TRAPPC9: variants seen among roughly 807,000 people sequenced by gnomAD.
TRAPPC9 encodes IKK2 binding protein.
Under a neutral mutation model 124.0 loss-of-function variants are expected in TRAPPC9, and 83 were observed. The observed-to-expected ratio is 0.67, with a 90% CI of 0.56 to 0.80. The LOEUF is 0.80. Among genes scored for constraint, TRAPPC9 ranks in the 30% least tolerant of loss-of-function variants. The pLI is 0.00. For synonymous variants in TRAPPC9, 638 were observed against 617.5 expected (o/e 1.03, Z -0.49); for missense variants, 1,302 against 1,508.3 (o/e 0.86, Z 2.27).
chr8:140,172,176 C>A (rs933040024), intron 17 of TRAPPC9, among the ~76,000 whole-genome samples: 15 of 152,130 alleles, frequency 9.9e-5, no homozygotes, highest in African/African-American at 3.4e-4. Context: ...TGCACTGGAC[C>A]AGAAAGCATG....
chr8:139,912,526 A>T (rs1831816737), intron 19 of TRAPPC9, among the ~76,000 whole-genome samples: 1 of 152,210 alleles, frequency 6.6e-6, no homozygotes, highest in Non-Finnish European at 1.5e-5. Context: ...CCAGACATGG[A>T]GCCACTCATT....
chr8:140,366,808 A>C (rs2068123826), intron 8 of TRAPPC9, among the ~76,000 whole-genome samples: 1 of 152,248 alleles, frequency 6.6e-6, no homozygotes, highest in Non-Finnish European at 1.5e-5. Flanking sequence ...ACTGGGAAGA[A>C]ATATTTGCAA....
chr8:139,957,289 G>A (rs1479290736), intron 19 of TRAPPC9, among the ~76,000 whole-genome samples: 2 of 152,226 alleles, frequency 1.3e-5, no homozygotes, highest in East Asian at 1.9e-4. Flanking sequence ...GGACTCGGGC[G>A]ACTGAGGTGG....
At chr8:139,955,811 T>A (rs1424959605) in intron 19 of TRAPPC9, among the ~76,000 whole-genome samples, 1 of 152,204 alleles carries the variant, frequency 6.6e-6, no homozygotes, top group Non-Finnish European at 1.5e-5. Context: ...CGTCGAGGAA[T>A]CCTCAAATAG....
intron 21 of TRAPPC9, among the ~76,000 whole-genome samples, chr8:139,756,446 A>C (rs1376337238): frequency 3.9e-5 from 5 of 129,512 alleles, no homozygotes; most frequent in Non-Finnish European, 8.0e-5. Flanking sequence ...GGATGAGGAC[A>C]GCAGGTCGCA....
intron 21 of TRAPPC9, among the ~76,000 whole-genome samples, chr8:139,738,428 G>A (rs1203556327): frequency 6.6e-6 from 1 of 152,220 alleles, no homozygotes; most frequent in Non-Finnish European, 1.5e-5. Context: ...TGAAACGGAG[G>A]TCCTGGAGAA....
chr8:139,819,243 C>T (rs761566940), intron 21 of TRAPPC9, among the ~76,000 whole-genome samples: 1 of 152,152 alleles, frequency 6.6e-6, no homozygotes, highest in Non-Finnish European at 1.5e-5. Flanking sequence ...CTCCCATCAT[C>T]CCCAGATGGG....
At chr8:139,795,795 A>C (rs1356070536) in intron 21 of TRAPPC9, among the ~76,000 whole-genome samples, 2 of 152,162 alleles carry the variant, frequency 1.3e-5, no homozygotes. Flanking sequence ...ACAGAAAATC[A>C]GCTGCGCACA....
At chr8:140,413,606 C>T (rs191954154) in intron 5 of TRAPPC9, among the ~76,000 whole-genome samples, 3,713 of 149,042 alleles carry the variant, frequency 0.025, 177 homozygotes, top group African/African-American at 0.087. Context: ...GTGTACTGCA[C>T]CCATTAACTC....
chr8:140,452,676 C>T (rs190842545), intron 1 of TRAPPC9, among the ~76,000 whole-genome samples: 6 of 152,190 alleles, frequency 3.9e-5, no homozygotes, highest in African/African-American at 1.4e-4. Context: ...AGATGACCCA[C>T]GTGAAAGAAT....
chr8:140,301,691 C>T (rs1347379331), intron 10 of TRAPPC9, among the ~76,000 whole-genome samples: 1 of 152,232 alleles, frequency 6.6e-6, no homozygotes, highest in Non-Finnish European at 1.5e-5. Context: ...TCCCCACCCC[C>T]CGCCTCCCGG....
intron 17 of TRAPPC9, among the ~76,000 whole-genome samples, chr8:140,145,710 T>G (rs953451723): frequency 2.0e-5 from 3 of 152,066 alleles, no homozygotes; most frequent in Non-Finnish European, 4.4e-5. Flanking sequence ...GGTTTTTGTT[T>G]TTGTTTTTGT....
intron 17 of TRAPPC9, among the ~76,000 whole-genome samples, chr8:140,049,699 G>T (rs570458175): frequency 5.3e-5 from 8 of 152,314 alleles, no homozygotes; most frequent in East Asian, 3.9e-4. Flanking sequence ...CAAACCCTGG[G>T]ATTTCCTTGA....
intron 19 of TRAPPC9, among the ~76,000 whole-genome samples, chr8:139,979,991 G>A (rs1836780128): frequency 6.6e-6 from 1 of 152,132 alleles, no homozygotes; most frequent in South Asian, 2.1e-4. Flanking sequence ...GAAGCGATCT[G>A]CTCTCCCTGG....
At chr8:139,773,794 C>T (rs1471574144) in intron 21 of TRAPPC9, among the ~76,000 whole-genome samples, 1 of 152,232 alleles carries the variant, frequency 6.6e-6, no homozygotes, top group Non-Finnish European at 1.5e-5. Flanking sequence ...TTCATTCATC[C>T]AGCGACTCTC....
chr8:139,866,219 G>A lies in TRAPPC9; in HGVS notation c.3055+19660C>T, dbSNP rs1051318235. 5.9e-5 allele frequency among the ~76,000 whole-genome samples: 9 copies of A among 152,302 alleles called. No homozygotes were observed. The East Asian group carries it at 1.4e-3, about 23-fold the overall frequency. On this transcript the variant is annotated intron_variant, in intron 21 of 22. Coordinates refer to ENST00000438773, the MANE Select transcript of TRAPPC9 (RefSeq NM_001160372.4). ...AAAATGTTCCTTATCAGACCTAAATGTGTTGATGTTAATGCTGGGGAGGTA... is the reference window on the plus strand; with the variant it reads ...AAAATGTTCCTTATCAGACCTAAATATGTTGATGTTAATGCTGGGGAGGTA...
intron 17 of TRAPPC9, among the ~76,000 whole-genome samples, chr8:140,130,398 A>G (rs1384213956): frequency 6.6e-6 from 1 of 152,206 alleles, no homozygotes; most frequent in African/African-American, 2.4e-5. Context: ...GATAGGTACG[A>G]TGGGAACATG....
chr8:140,021,631 T>G (rs1453706174), intron 18 of TRAPPC9, among the ~76,000 whole-genome samples: 1 of 152,226 alleles, frequency 6.6e-6, no homozygotes, highest in Non-Finnish European at 1.5e-5. Context: ...AAAACAGGAA[T>G]TGTGCTCCAT....
At chr8:139,863,271 G>A (rs1828293410) in intron 21 of TRAPPC9, among the ~76,000 whole-genome samples, 1 of 152,198 alleles carries the variant, frequency 6.6e-6, no homozygotes, top group South Asian at 2.1e-4. Flanking sequence ...GACTCAGTGA[G>A]CAGGCCTGAG....
Sources: allele counts gnomAD v4.1 joint callset (sites outside exome capture counted in the v4.1 genomes callset), GRCh38; gene constraint gnomAD v4.1.1; transcripts MANE v1.5; gene names NCBI Gene and HGNC (gene_info 2026-07-23, HGNC 2026-07-21).